Variants in TAF8 observed in about 807,000 individuals in gnomAD.
The protein encoded by TAF8 is TATA-box binding protein associated factor 8.
A neutral mutation model predicts 36.5 loss-of-function variants in TAF8; 47 were observed. The observed-to-expected ratio is 1.29, with a 90% confidence interval of 1.02 to 1.64. The LOEUF is 1.64. Among genes scored for constraint, TAF8 ranks in the 40% most tolerant of loss-of-function variants. The pLI is 0.00. For missense variants in TAF8, 420 were observed against 407.6 expected (o/e 1.03, Z -0.26); for synonymous variants, 175 against 159.5 (o/e 1.10, Z -0.73).
At chr6:42,086,011 C>G (rs1368711396), downstream of TAF8, among the ~76,000 whole-genome samples, 1 of 152,142 alleles carries the variant, frequency 6.6e-6, no homozygotes, top group African/African-American at 2.4e-5. Flanking sequence ...CTGCCTCTCC[C>G]CTTCCACCAT....
chr6:42,066,408 A>C lies in TAF8; in HGVS notation c.586A>C (p.Lys196Gln). 1 of 1,614,226 alleles carries C rather than the reference A, an allele frequency of 6.2e-7. No homozygotes were observed. The highest frequency in any genetic ancestry group is 8.5e-7 in the Non-Finnish European group (1 of 1,180,042). Residue 196 changes from lysine (K) to glutamine (Q), a missense_variant, in exon 6 of 9, where the codon AAG becomes CAG. Physicochemically the swap from Lys to Gln is moderately conservative, Grantham distance 53 (BLOSUM62 1). Transcript: ENST00000372977. ...GCGGGCACTTACCCGTTTCATGGCC[A>C]AGACAGGCGAGACTCAGAGTCTTTT... ...VERALTRFMA[K>Q]TGETQSLFKD...
rs1265406166 is a variant in TAF8, at chr6:42,078,136, C to A, written c.*591C>A. 1 of 880,316 alleles carries A rather than the reference C, an allele frequency of 1.1e-6. No individual in the cohort carries two copies. The highest frequency in any genetic ancestry group is 1.4e-6 in the Non-Finnish European group (1 of 733,868). 54.5% of individuals were successfully genotyped at this position (880,316 alleles called of 1,614,324 possible). ...GAACTCCTGACCTCAAGTGATAACC[C>A]GCCTCGGCCTCCCAAAGTGCTGAGA... On this transcript the variant is annotated 3_prime_UTR_variant, in exon 9 of 9. Coordinates refer to ENST00000372977, the MANE Select transcript of TAF8 (RefSeq NM_138572.3).
At chr6:42,066,756 A>G (rs1247569194) in intron 6 of TAF8, among the ~76,000 whole-genome samples, 1 of 152,158 alleles carries the variant, frequency 6.6e-6, no homozygotes, top group African/African-American at 2.4e-5. Context: ...GTAGAAGAAC[A>G]TTGGCATCAG....
intron 5 of TAF8, among the ~76,000 whole-genome samples, chr6:42,061,367 C>T (rs1018868019): frequency 2.0e-5 from 3 of 152,154 alleles, no homozygotes; most frequent in African/African-American, 7.2e-5. Flanking sequence ...ACCATTCACT[C>T]TTCTATTTGA....
At chr6:42,072,770 T>C (rs1765622071) in intron 7 of TAF8, among the ~76,000 whole-genome samples, 1 of 152,112 alleles carries the variant, frequency 6.6e-6, no homozygotes, top group African/African-American at 2.4e-5. Flanking sequence ...TCACCCAGGC[T>C]GCAGTGCAGT....
intron 6 of TAF8, among the ~76,000 whole-genome samples, chr6:42,067,705 C>T (rs1471196880): frequency 6.6e-6 from 1 of 152,068 alleles, no homozygotes; most frequent in African/African-American, 2.4e-5. Flanking sequence ...GTAGCTGGGA[C>T]TACAGGCATG....
chr6:42,055,077 C>T (rs6932409), intron 2 of TAF8, among the ~76,000 whole-genome samples: 12,955 of 152,048 alleles, frequency 0.085, 737 homozygotes, highest in East Asian at 0.25. Flanking sequence ...GCGCCTACCA[C>T]CAGGCCTGGC....
chr6:42,062,867 A>G (rs948656476), intron 5 of TAF8, among the ~76,000 whole-genome samples: 1 of 152,086 alleles, frequency 6.6e-6, no homozygotes, highest in Admixed American at 6.6e-5. Context: ...CCTCTGAACT[A>G]GACAAAATTA....
chr6:42,070,711 C>T (rs73733094), intron 7 of TAF8, among the ~76,000 whole-genome samples: 21,673 of 152,030 alleles, frequency 0.14, 1,641 homozygotes, highest in East Asian at 0.27. Context: ...AGAGGTGTTT[C>T]GTGTTTTTAT....
At chr6:42,071,877 C>T (rs1010230553) in intron 7 of TAF8, among the ~76,000 whole-genome samples, 3 of 152,060 alleles carry the variant, frequency 2.0e-5, no homozygotes, top group Non-Finnish European at 4.4e-5. Context: ...CTGACGGTCC[C>T]GTAGTGATGT....
At chr6:42,064,188 A>G (rs1765276453) in intron 5 of TAF8, among the ~76,000 whole-genome samples, 1 of 152,116 alleles carries the variant, frequency 6.6e-6, no homozygotes, top group African/African-American at 2.4e-5. Flanking sequence ...AAGATTTTGC[A>G]TTTTAATGTT....
downstream of TAF8, among the ~76,000 whole-genome samples, chr6:42,084,111 G>T (rs1365196660): frequency 6.6e-6 from 1 of 150,872 alleles, no homozygotes; most frequent in Non-Finnish European, 1.5e-5. Flanking sequence ...AACCCGGGAG[G>T]CGGAGCTTGC....
chr6:42,069,792 T>C (rs1325777328), intron 7 of TAF8, among the ~76,000 whole-genome samples: 2 of 151,998 alleles, frequency 1.3e-5, no homozygotes, highest in African/African-American at 4.8e-5. Flanking sequence ...CTTCCAGGGA[T>C]GAGTGAGGAT....
chr6:42,069,098 G>T (rs1765473619), intron 7 of TAF8, among the ~76,000 whole-genome samples: 2 of 152,144 alleles, frequency 1.3e-5, no homozygotes, highest in South Asian at 4.1e-4. Context: ...TTGAAGAACA[G>T]CAAGGACATC....
chr6:42,056,107 A>ACTTC (rs1389949753), intron 4 of TAF8, 93 bp downstream of exon 4: 3 of 845,182 alleles, frequency 3.5e-6, no homozygotes, highest in Non-Finnish European at 6.1e-6. Context: ...ATTAGTAGCT[A>ACTTC]CTTCCTTGTT....
rs370398166 is a variant in TAF8 at position 42,066,469 on chromosome 6, G to A, written c.637+10G>A. ...GTCAGCACATTTCCATGTGAGAGTT[G>A]CCCCACTGTGTGGACCCTGTCTTAT... On this transcript the variant is annotated intron_variant, in intron 6 of 8. Coordinates refer to ENST00000372977, the MANE Select transcript of TAF8 (RefSeq NM_138572.3). The A allele has an allele frequency of 4.3e-6, 7 of 1,613,880 alleles. No individual in the cohort carries two copies. Among genetic ancestry groups the A allele is most frequent in the Non-Finnish European group, 1.7e-6 (2 of 1,179,834 alleles).
chr6:42,066,197 G>T lies in TAF8; in HGVS notation c.490-115G>T, dbSNP rs1582231309. The T allele has an allele frequency of 2.3e-6, 3 of 1,324,624 alleles. No individual in the cohort carries two copies. The African/African-American group carries it at 4.3e-5, about 19-fold the overall frequency. The allele number at this position is 1,324,624 out of a possible 1,614,324, so 82.1% of individuals were successfully genotyped here. A position where few individuals can be genotyped will look rare whatever the true frequency, so the allele number is the denominator to read the frequency against. Reference sequence around the variant, plus strand: ...ATTACAGGTGTGAGCCACTGTGCCTGGCCTGGTATTGGGTCATTTTAGAGA... The same window carrying T: ...ATTACAGGTGTGAGCCACTGTGCCTTGCCTGGTATTGGGTCATTTTAGAGA... On this transcript the variant is annotated intron_variant, in intron 5 of 8. Transcript: ENST00000372977.
At position 42,057,528 on chromosome 6, in the gene TAF8, A is replaced by C; in HGVS notation, c.489+15A>C. 6.2e-7 allele frequency: 1 copy of C among 1,614,106 alleles called. No individual in the cohort carries two copies. Among genetic ancestry groups the C allele is most frequent in the Non-Finnish European group, 8.5e-7 (1 of 1,179,994 alleles). On this transcript the variant is annotated intron_variant, in intron 5 of 8. Coordinates refer to ENST00000372977, the MANE Select transcript of TAF8 (RefSeq NM_138572.3). ...TCAAAACTCCGGTGAGTGATGAAGC[A>C]CTGGGACTGCGCGTGGTGTAAAGCA...
Position 42,079,385 on chromosome 6 carries a change from A to G in TAF8, c.*1840A>G. On this transcript the variant is annotated 3_prime_UTR_variant, in exon 9 of 9. Transcript: ENST00000372977. ...AAACCAGAAAACAAGTTTTTAAGGA[A>G]GATGCTGGGCATGCTGATAGCTTTT... The G allele has an allele frequency of 1.0e-6, 1 of 985,452 alleles. No homozygotes were observed. Among genetic ancestry groups the G allele is most frequent in the Non-Finnish European group, 1.2e-6 (1 of 829,946 alleles). The allele number at this position is 985,452 out of a possible 1,614,324, so 61.0% of individuals were successfully genotyped here. A position where few individuals can be genotyped will look rare whatever the true frequency, so the allele number is the denominator to read the frequency against.
Sources: allele counts gnomAD v4.1 joint callset (sites outside exome capture counted in the v4.1 genomes callset), GRCh38; gene constraint gnomAD v4.1.1; transcripts MANE v1.5; gene names NCBI Gene and HGNC (gene_info 2026-07-23, HGNC 2026-07-21).